The following TACC2 variants were observed in gnomAD, a reference collection of about 807,000 sequenced individuals.
The protein encoded by TACC2 is transforming acidic coiled-coil-containing protein 2.
A neutral mutation model predicts 227.3 loss-of-function variants in TACC2; 137 were observed. The ratio of observed to expected loss-of-function variants is 0.60; its 90% CI spans 0.52 to 0.69. TACC2 has a LOEUF of 0.69. Ranked by LOEUF, TACC2 falls within the 30% of genes least tolerant of loss-of-function variation. The pLI is 0.00. For missense variants in TACC2, 3,470 were observed against 3,694.4 expected (o/e 0.94, Z 1.57); for synonymous variants, 1,523 against 1,487.5 (o/e 1.02, Z -0.55).
chr10:122,169,645 T>TTG (rs780773492), intron 7 of TACC2, among the ~76,000 whole-genome samples: 8 of 152,204 alleles, frequency 5.3e-5, no homozygotes, highest in Non-Finnish European at 1.2e-4. Context: ...TGGGCAATCT[T>TTG]TGTTTTCTGT....
At chr10:122,131,415 G>T (rs1274914635) in intron 5 of TACC2, among the ~76,000 whole-genome samples, 1 of 152,152 alleles carries the variant, frequency 6.6e-6, no homozygotes, top group Non-Finnish European at 1.5e-5. Flanking sequence ...CAAGACGATG[G>T]GTGTCCAAGG....
intron 5 of TACC2, among the ~76,000 whole-genome samples, chr10:122,125,520 C>G (rs1037201295): frequency 6.6e-6 from 1 of 152,020 alleles, no homozygotes; most frequent in Non-Finnish European, 1.5e-5. Context: ...ATGAGTACAG[C>G]TCCTTCACGC....
At chr10:122,196,933 C>CAAAAAAAAAA (rs58473562) in intron 8 of TACC2, among the ~76,000 whole-genome samples, 12 of 78,168 alleles carry the variant, frequency 1.5e-4, no homozygotes, top group African/African-American at 4.5e-4. Flanking sequence ...GAGTCCGTCT[C>CAAAAAAAAAA]AAAAAAAAAA....
At chr10:122,133,571 CTGTTTA>C (rs1460934803) in intron 6 of TACC2, among the ~76,000 whole-genome samples, 1 of 152,088 alleles carries the variant, frequency 6.6e-6, no homozygotes, top group Non-Finnish European at 1.5e-5. Flanking sequence ...ATTTTAATTT[CTGTTTA>C]TATCAGTGAA....
At chr10:122,156,056 C>T (rs1229666456) in intron 7 of TACC2, among the ~76,000 whole-genome samples, 1 of 151,242 alleles carries the variant, frequency 6.6e-6, no homozygotes, top group Non-Finnish European at 1.5e-5. Flanking sequence ...CCAGGATGGT[C>T]TTGATCTCCT....
At chr10:122,088,113 G>T (rs1390425452) in intron 4 of TACC2, among the ~76,000 whole-genome samples, 154 bp downstream of exon 4, 1 of 152,172 alleles carries the variant, frequency 6.6e-6, no homozygotes, top group African/African-American at 2.4e-5. Flanking sequence ...ACCCCCTCTG[G>T]ATGTCCTGAG....
At chr10:122,128,425 G>A (rs141393150) in intron 5 of TACC2, among the ~76,000 whole-genome samples, 263 of 152,322 alleles carry the variant, frequency 1.7e-3, no homozygotes, top group African/African-American at 6.2e-3. Flanking sequence ...AAAGAGTTTA[G>A]GTGAAAATGC....
Position 122,248,635 on chromosome 10 carries a change from C to G in TACC2, c.8393-8C>G. On this transcript the variant is annotated splice_region_variant and splice_polypyrimidine_tract_variant and intron_variant, in intron 19 of 22. Transcript: ENST00000369005. Reference sequence around the variant, plus strand: ...CTCCATCATTTGGCTCCTGGTCTCTCCTGCCAGAGGACGAACAGAGAGAGA... The same window carrying G: ...CTCCATCATTTGGCTCCTGGTCTCTGCTGCCAGAGGACGAACAGAGAGAGA... The G allele has an allele frequency of 3.1e-6, 5 of 1,612,604 alleles. No individual in the cohort carries two copies. The highest frequency in any genetic ancestry group is 4.2e-6 in the Non-Finnish European group (5 of 1,180,028).
In TACC2 at chr10:122,210,850, A is replaced by G; in HGVS notation, c.6425A>G (p.Lys2142Arg). Reference protein sequence around the residue: ...PPSLKKKQTTKKPTETPPVKE... With the variant: ...PPSLKKKQTTRKPTETPPVKE... ...TCCTTAAAAAAGAAACAGACCACCA[A>G]GAAACCCACAGAGACCCCCCCAGTG... The change falls in exon 9 of 23, where the codon AAG (lysine) becomes AGG (arginine). Residue 2142 changes from lysine (K) to arginine (R), a missense_variant. This residue lies in a region of TACC2 where 593 missense variants were observed against 636.6 expected (regional missense o/e 0.93). Coordinates refer to ENST00000369005, the MANE Select transcript of TACC2 (RefSeq NM_206862.4). The surrounding 1 kb of genome is among the most constrained non-coding windows in gnomAD (Gnocchi z 4.6). 3 of 1,612,782 alleles carry G rather than the reference A, an allele frequency of 1.9e-6. No homozygotes were observed. Among genetic ancestry groups the G allele is most frequent in the Non-Finnish European group, 2.5e-6 (3 of 1,179,734 alleles).
At position 122,236,880 on chromosome 10, in the gene TACC2, G is replaced by T. The variant is rs140883433; in HGVS notation, c.8128-515G>T. Among the ~76,000 whole-genome samples, 6 of 152,342 alleles carry T rather than the reference G, an allele frequency of 3.9e-5. No homozygotes were observed. The East Asian group carries it at 1.2e-3, about 29-fold the overall frequency. On this transcript the variant is annotated intron_variant, in intron 16 of 22. Coordinates refer to ENST00000369005, the MANE Select transcript of TACC2 (RefSeq NM_206862.4). ...GGTTGACAACTACAGTAGGCTTTAA[G>T]CTTTGCGTGACTCACATCCTTTCAA...
intron 5 of TACC2, among the ~76,000 whole-genome samples, chr10:122,131,751 G>A (rs547425179): frequency 6.6e-5 from 10 of 152,286 alleles, no homozygotes; most frequent in African/African-American, 1.9e-4. Context: ...GCCAGGCGTG[G>A]TGGCTCATGC....
At chr10:122,154,532 C>T (rs1288956646) in intron 7 of TACC2, among the ~76,000 whole-genome samples, 1 of 152,246 alleles carries the variant, frequency 6.6e-6, no homozygotes, top group African/African-American at 2.4e-5. Context: ...AGCTCTCTCT[C>T]ACAACGATTC....
chr10:122,241,425 A>G (rs2095989909), intron 18 of TACC2, among the ~76,000 whole-genome samples: 1 of 152,066 alleles, frequency 6.6e-6, no homozygotes, highest in South Asian at 2.1e-4. Context: ...TCGAGTAGCT[A>G]GGATCACAGA....
Position 122,224,727 on chromosome 10 carries a change from G to T in TACC2, c.7548G>T (p.Glu2516Asp). The T allele has an allele frequency of 1.2e-6, 2 of 1,613,924 alleles. No homozygotes were observed. Among genetic ancestry groups the T allele is most frequent in the Non-Finnish European group, 1.7e-6 (2 of 1,179,912 alleles). Residue 2516 changes from glutamate to aspartate, a missense_variant and splice_region_variant, in exon 12 of 23, where the codon GAG becomes GAT. Physicochemically the swap from Glu to Asp is conservative, Grantham distance 45. This residue lies in a region of TACC2 where 345 missense variants were observed against 354.4 expected (regional missense o/e 0.97). Transcript: ENST00000369005. ...NETKFSSPTE[E>D]LDYRNSYEIE... Reference sequence around the variant, plus strand: ...TTGTGTTTGTTTTTGTTTTTGCAGAGTTGGATTACAGAAACTCCTATGAAA... The same window carrying T: ...TTGTGTTTGTTTTTGTTTTTGCAGATTTGGATTACAGAAACTCCTATGAAA...
chr10:122,222,537 C>G (rs1241459620), intron 11 of TACC2, among the ~76,000 whole-genome samples: 1 of 152,152 alleles, frequency 6.6e-6, no homozygotes, highest in Non-Finnish European at 1.5e-5. Context: ...ACTTTTGCAC[C>G]GTCAGTTGCT....
intron 5 of TACC2, among the ~76,000 whole-genome samples, chr10:122,102,689 T>C (rs1038139964): frequency 6.6e-6 from 1 of 152,166 alleles, no homozygotes; most frequent in South Asian, 2.1e-4. Flanking sequence ...CCAGGTACAT[T>C]TGGCTTGTGA....
chr10:122,089,277 A>G (rs1049274343), intron 5 of TACC2, among the ~76,000 whole-genome samples: 3 of 152,070 alleles, frequency 2.0e-5, no homozygotes, highest in African/African-American at 7.2e-5. Flanking sequence ...CCTAGATATC[A>G]TACCCCAGCC....
Position 122,082,822 on chromosome 10 carries a change from T to G in TACC2, c.322T>G (p.Ser108Ala). The G allele has an allele frequency of 1.2e-6, 2 of 1,613,696 alleles. No homozygotes were observed. The highest frequency in any genetic ancestry group is 1.7e-6 in the Non-Finnish European group (2 of 1,180,000). The stretch of plus-strand genomic sequence containing the variant: ...ACCGTCCCAGGAGCGAGAGCACCCC[T>G]CGTCCTCCATGCCCTTTGCCGAGTG... ...PPPSQEREHPSSSMPFAECPP... is the reference protein window; with the variant it reads ...PPPSQEREHPASSMPFAECPP... Residue 108 changes from serine to alanine, a missense_variant, in exon 4 of 23, where the codon TCG becomes GCG. Ser to Ala is a moderately conservative substitution (Grantham distance 99). This residue lies in a region of TACC2 where 405 missense variants were observed against 389.6 expected (regional missense o/e 1.04). Transcript: ENST00000369005.
At chr10:122,076,194 G>A (rs1224998264) in intron 3 of TACC2, among the ~76,000 whole-genome samples, 1 of 152,146 alleles carries the variant, frequency 6.6e-6, no homozygotes, top group Non-Finnish European at 1.5e-5. Context: ...GTAGAGTTAT[G>A]AGGTGGCGCA....
Sources: gnomAD v4.1 joint callset for allele counts (sites outside exome capture counted in the v4.1 genomes callset) on GRCh38, gnomAD v4.1.1 for gene constraint, gnomAD v4.1.1 regional missense constraint, Gnocchi (gnomAD v3.1) non-coding constraint, MANE v1.5 for transcripts, NCBI Gene and HGNC (gene_info 2026-07-23, HGNC 2026-07-21) for gene names.